NMT2: variants seen among roughly 807,000 people sequenced by gnomAD.
The protein encoded by NMT2 is N-myristoyltransferase 2.
Under a neutral mutation model 65.4 loss-of-function variants are expected in NMT2, and 35 were observed. The observed-to-expected ratio is 0.54, with a 90% confidence interval of 0.41 to 0.71. The LOEUF (loss-of-function observed/expected upper bound fraction) is 0.71. NMT2 is among the 30% of genes least tolerant of loss of function. NMT2 has a pLI of 0.00. For missense variants in NMT2, 489 were observed against 611.3 expected, an observed-to-expected ratio of 0.80 and a Z score of 2.11; for synonymous variants, 226 against 231.8, an observed-to-expected ratio of 0.98 and a Z score of 0.23.
chr10:15,140,622 A>C (rs1564578639), intron 2 of NMT2, among the ~76,000 whole-genome samples: 1 of 151,256 alleles, frequency 6.6e-6, no homozygotes. Flanking sequence ...GGCTCAATGG[A>C]TCCTCCCACC....
At chr10:15,139,863 CTATATA>C (rs201561074) in intron 2 of NMT2, 1,990 of 68,914 alleles carry the variant, frequency 0.029, 46 homozygotes, top group Non-Finnish European at 0.051. Flanking sequence ...GTAACAACTA[CTATATA>C]TATATATATA....
intron 9 of NMT2, among the ~76,000 whole-genome samples, chr10:15,118,780 GA>G (rs1845830139): frequency 6.6e-6 from 1 of 152,116 alleles, no homozygotes; most frequent in South Asian, 2.1e-4. Flanking sequence ...AGGATGCAAG[GA>G]AACAGGAACT....
chr10:15,144,048 C>A (rs1183694252), intron 1 of NMT2, among the ~76,000 whole-genome samples: 1 of 152,132 alleles, frequency 6.6e-6, no homozygotes, highest in East Asian at 1.9e-4. Flanking sequence ...TTCCAAAACT[C>A]CATTTTGGGA....
chr10:15,114,800 C>T (rs931656392), intron 9 of NMT2, among the ~76,000 whole-genome samples: 2 of 152,036 alleles, frequency 1.3e-5, no homozygotes, highest in Non-Finnish European at 2.9e-5. Flanking sequence ...CTCAGAAGTT[C>T]GAGACCAGCC....
chr10:15,157,226 A>G (rs1384914652), intron 1 of NMT2, among the ~76,000 whole-genome samples: 1 of 152,190 alleles, frequency 6.6e-6, no homozygotes, highest in Non-Finnish European at 1.5e-5. Context: ...ACAGAAGCGC[A>G]CTAAACAAAA....
At chr10:15,167,225 C>T (rs1833406498) in intron 1 of NMT2, among the ~76,000 whole-genome samples, 1 of 152,074 alleles carries the variant, frequency 6.6e-6, no homozygotes, top group South Asian at 2.1e-4. Flanking sequence ...TACTTGCAGC[C>T]GCCACTGAAG....
intron 10 of NMT2, among the ~76,000 whole-genome samples, chr10:15,110,254 C>A (rs185801271): frequency 6.6e-6 from 1 of 151,880 alleles, no homozygotes; most frequent in Non-Finnish European, 1.5e-5. Flanking sequence ...GCCTGAGCGA[C>A]AGAGTGAGAC....
intron 3 of NMT2, among the ~76,000 whole-genome samples, chr10:15,134,354 G>GAT (rs1846396530): frequency 1.3e-5 from 2 of 152,278 alleles, no homozygotes; most frequent in South Asian, 4.1e-4. Context: ...CATGATGACC[G>GAT]GGGCAGGCCT....
At chr10:15,111,233 G>C (rs901115946) in intron 10 of NMT2, among the ~76,000 whole-genome samples, 1 of 151,938 alleles carries the variant, frequency 6.6e-6, no homozygotes, top group African/African-American at 2.4e-5. Flanking sequence ...TATGCAGGCC[G>C]GGCGTGGTGG....
chr10:15,136,334 GAGAA>G (rs781691734), intron 2 of NMT2, among the ~76,000 whole-genome samples: 27 of 146,304 alleles, frequency 1.8e-4, no homozygotes, highest in Non-Finnish European at 3.4e-4. Flanking sequence ...GAGAGACAGA[GAGAA>G]AGAAAAGAAA....
chr10:15,151,059 C>CTTTTTTTTTTTTTTTTTTTTTT (rs200879621), intron 1 of NMT2, among the ~76,000 whole-genome samples: 27 of 139,882 alleles, frequency 1.9e-4, no homozygotes, highest in African/African-American at 7.2e-4. Flanking sequence ...TAGCTTCCTC[C>CTTTTTTTTTTTTTTTTTTTTTT]TTTTTTTTTT....
intron 9 of NMT2, among the ~76,000 whole-genome samples, chr10:15,115,359 G>T (rs1387560422): frequency 6.6e-6 from 1 of 151,984 alleles, no homozygotes; most frequent in African/African-American, 2.4e-5. Context: ...TAAAAGTAAG[G>T]TGACTCAAAG....
intron 1 of NMT2, among the ~76,000 whole-genome samples, chr10:15,152,065 A>C (rs1439935305): frequency 1.3e-5 from 2 of 152,200 alleles, no homozygotes. Flanking sequence ...GTAATACTCA[A>C]ACGTAGAAAT....
chr10:15,126,410 C>A (rs1846075691), intron 8 of NMT2, among the ~76,000 whole-genome samples: 1 of 145,994 alleles, frequency 6.8e-6, no homozygotes, highest in Non-Finnish European at 1.5e-5. Context: ...GCCTGGACAA[C>A]AGAGCGAGCC....
chr10:15,132,952 A>G lies in NMT2; in HGVS notation c.603-19T>C. The G allele has an allele frequency of 6.2e-7, 1 of 1,605,660 alleles. No homozygotes were observed. Among genetic ancestry groups the G allele is most frequent in the East Asian group, 2.2e-5 (1 of 44,794 alleles). ...CAGAGCCCTGAGGTCACGGTAGACA[A>G]GAAAACAGGCACCAGTTATTGTCCA... On this transcript the variant is annotated intron_variant, in intron 5 of 11. Coordinates refer to ENST00000378165, the MANE Select transcript of NMT2 (RefSeq NM_004808.3).
chr10:15,117,062 A>C (rs1414967059), intron 9 of NMT2, among the ~76,000 whole-genome samples: 2 of 152,230 alleles, frequency 1.3e-5, no homozygotes, highest in Non-Finnish European at 2.9e-5. Context: ...CTATTATGAG[A>C]CCAGTATTAT....
At chr10:15,120,732 A>T (rs1223979788) in intron 8 of NMT2, among the ~76,000 whole-genome samples, 3 of 152,220 alleles carry the variant, frequency 2.0e-5, no homozygotes, top group African/African-American at 7.2e-5. Context: ...GGAGTGAATC[A>T]TATCAGGCTG....
rs201578180 is a variant in NMT2, at chr10:15,168,492, G to A, written c.110+11C>T. 7.2e-5 allele frequency: 113 copies of A among 1,569,438 alleles called. No homozygotes were observed. The African/African-American group carries it at 1.3e-3, about 18-fold the overall frequency. On this transcript the variant is annotated intron_variant, in intron 1 of 11. Coordinates refer to ENST00000378165, the MANE Select transcript of NMT2 (RefSeq NM_004808.3). ...CCTGTCGCGCCCGGTGCGCCAGCGC[G>A]CCGCCCCTACCCTTTGGCGTGCTCC...
chr10:15,133,391 A>C (rs1177511684), intron 3 of NMT2, 28 bp from the exon 4 acceptor site: 1 of 1,520,002 alleles, frequency 6.6e-7, no homozygotes, highest in Admixed American at 1.7e-5. Context: ...GAGAAAAAAG[A>C]AAGGCAAAAA....
Sources: allele counts gnomAD v4.1 joint callset (sites outside exome capture counted in the v4.1 genomes callset), GRCh38; gene constraint gnomAD v4.1.1; transcripts MANE v1.5; gene names NCBI Gene and HGNC (gene_info 2026-07-23, HGNC 2026-07-21).